The following LCP1 variants were observed in gnomAD, a reference collection of about 807,000 sequenced individuals.
LCP1 encodes lymphocyte cytosolic protein 1.
A neutral mutation model predicts 72.0 loss-of-function variants in LCP1; 23 were observed. The observed-to-expected ratio is 0.32, with a 90% confidence interval of 0.23 to 0.45. The LOEUF is 0.45. Among genes scored for constraint, LCP1 ranks in the 20% least tolerant of loss-of-function variants. The probability of loss-of-function intolerance (pLI) is 1.00; values close to 1 mark genes in which losing one functional copy is unlikely to be tolerated. For synonymous variants in LCP1, 245 were observed against 275.4 expected (o/e 0.89, Z 1.09); for missense variants, 571 against 748.3 (o/e 0.76, Z 2.76).
chr13:46,147,738 G>C (rs888664007), intron 9 of LCP1, among the ~76,000 whole-genome samples: 1 of 152,082 alleles, frequency 6.6e-6, no homozygotes, highest in African/African-American at 2.4e-5. Context: ...CTAGCCATTT[G>C]TAAGTGACTC....
At chr13:46,149,481 G>A (rs980843470) in intron 8 of LCP1, among the ~76,000 whole-genome samples, 1 of 152,262 alleles carries the variant, frequency 6.6e-6, no homozygotes, top group South Asian at 2.1e-4. Context: ...TTTTAGTTTG[G>A]CTAAGAGTAA....
intron 2 of LCP1, 59 bp from the exon 3 acceptor site, chr13:46,159,048 G>C: frequency 6.6e-7 from 1 of 1,524,212 alleles, no homozygotes; most frequent in African/African-American, 1.4e-5. Context: ...CTTTTAGAGA[G>C]GTGAGGGAAG....
chr13:46,134,219 C>A lies in LCP1; in HGVS notation c.1534G>T (p.Gly512Cys). 1 of 1,613,530 alleles carries A rather than the reference C, an allele frequency of 6.2e-7. No individual in the cohort carries two copies. Among genetic ancestry groups the A allele is most frequent in the Non-Finnish European group, 8.5e-7 (1 of 1,179,634 alleles). ...YTLNILEEIGGGQKVNDDIIV... is the reference protein window; with the variant it reads ...YTLNILEEIGCGQKVNDDIIV... ...ATGTCATCATTGACCTTCTGGCCACCACCAATTTCTTCGAGGATATTCAGT... is the reference window on the plus strand; with the variant it reads ...ATGTCATCATTGACCTTCTGGCCACAACCAATTTCTTCGAGGATATTCAGT... Residue 512 changes from glycine to cysteine, a missense_variant, in exon 14 of 16, where the codon GGT (glycine) becomes TGT (cysteine). Gly to Cys is a radical substitution (Grantham distance 159). Transcript: ENST00000323076.
In LCP1 at chr13:46,159,691, AG is replaced by A; in HGVS notation, c.-24-6del. 6.4e-7 allele frequency: 1 copy of A among 1,564,844 alleles called. No homozygotes were observed. Among genetic ancestry groups the A allele is most frequent in the Non-Finnish European group, 8.8e-7 (1 of 1,135,696 alleles). On this transcript the variant is annotated splice_polypyrimidine_tract_variant and splice_region_variant and intron_variant, in intron 1 of 15. Coordinates refer to ENST00000323076, the MANE Select transcript of LCP1 (RefSeq NM_002298.5). The stretch of plus-strand genomic sequence containing the variant: ...TTATTGCTTTAGGTAACAGATCTGG[AG>A]AGAAGAAGAACATAAGGGATAACTT...
rs924651675 is a variant in LCP1 at position 46,145,772 on chromosome 13, A to G, written c.1174+1136T>C. Among the ~76,000 whole-genome samples the G allele has an allele frequency of 1.0e-3, 118 of 116,006 alleles. 26 individuals carry two copies. The highest frequency in any genetic ancestry group is 4.1e-3 in the African/African-American group (107 of 26,300). 76.1% of individuals were successfully genotyped at this position (116,006 alleles called of 152,430 possible). A position where few individuals can be genotyped will look rare whatever the true frequency, so the allele number is the denominator to read the frequency against. On this transcript the variant is annotated intron_variant, in intron 10 of 15. Transcript: ENST00000323076. ...AAAATACAAAAAATTAGCCGGGCGT[A>G]GTGGCGGGCGCCTGTAGTCCCAGCT...
rs1249547807 is a variant in LCP1, at chr13:46,151,137, G to C, written c.740-59C>G. On this transcript the variant is annotated intron_variant, in intron 7 of 15. Transcript: ENST00000323076. ...GCAGCGATGTTGGGGGAGGGGGGTT[G>C]GTTATAACTTTCATTAAGCTCTGCT... 5.2e-6 allele frequency: 8 copies of C among 1,544,090 alleles called. No homozygotes were observed. The East Asian group carries it at 1.8e-4, about 35-fold the overall frequency.
chr13:46,151,317 C>G (rs1209120330), intron 7 of LCP1, among the ~76,000 whole-genome samples: 1 of 152,154 alleles, frequency 6.6e-6, no homozygotes, highest in African/African-American at 2.4e-5. Context: ...AAACAAAGCA[C>G]AGTGAATCTC....
intron 1 of LCP1, among the ~76,000 whole-genome samples, chr13:46,174,017 A>G (rs909669786): frequency 1.3e-5 from 2 of 152,218 alleles, no homozygotes; most frequent in Non-Finnish European, 2.9e-5. Context: ...TGATTCTGTT[A>G]TCCTGCACTA....
At chr13:46,154,750 G>A in intron 6 of LCP1, 55 bp downstream of exon 6, 1 of 1,433,108 alleles carries the variant, frequency 7.0e-7, no homozygotes, top group South Asian at 1.2e-5. Context: ...CAGCAGTTAT[G>A]ATGCTCATTG....
intron 7 of LCP1, among the ~76,000 whole-genome samples, chr13:46,152,323 A>G (rs572762064): frequency 2.0e-5 from 3 of 152,218 alleles, no homozygotes; most frequent in South Asian, 2.1e-4. Context: ...TTCATCCCAT[A>G]TAATTGCAAC....
chr13:46,143,981 G>A (rs190232066), intron 11 of LCP1, among the ~76,000 whole-genome samples: 1 of 152,076 alleles, frequency 6.6e-6, no homozygotes, highest in African/African-American at 2.4e-5. Flanking sequence ...CAGGAGAATG[G>A]CGTGAACCCG....
chr13:46,161,637 C>T (rs2045839054), intron 1 of LCP1, among the ~76,000 whole-genome samples: 1 of 151,798 alleles, frequency 6.6e-6, no homozygotes, highest in African/African-American at 2.4e-5. Context: ...TGCCTTTTTC[C>T]AAAAATAATT....
rs1312262508 is a variant in LCP1 at position 46,126,811 on chromosome 13, G to A, written c.*780C>T. Reference sequence around the variant, plus strand: ...TTCCATTAAGGCTGAAGGCTCTAGAGGGCAGAGTATTCAAGATGTTAGATC... The same window carrying A: ...TTCCATTAAGGCTGAAGGCTCTAGAAGGCAGAGTATTCAAGATGTTAGATC... On this transcript the variant is annotated 3_prime_UTR_variant, in exon 16 of 16. Coordinates refer to ENST00000323076, the MANE Select transcript of LCP1 (RefSeq NM_002298.5). 8 of 231,086 alleles carry A rather than the reference G, an allele frequency of 3.5e-5. No individual in the cohort carries two copies. Among genetic ancestry groups the A allele is most frequent in the Non-Finnish European group, 8.6e-6 (1 of 116,786 alleles). The allele number at this position is 231,086 out of a possible 1,614,324, so 14.3% of individuals were successfully genotyped here. A position where few individuals can be genotyped will look rare whatever the true frequency, so the allele number is the denominator to read the frequency against.
intron 8 of LCP1, among the ~76,000 whole-genome samples, chr13:46,149,978 A>G (rs2146878): frequency 0.26 from 40,191 of 152,102 alleles, 5,473 homozygotes; most frequent in South Asian, 0.44. Context: ...ATCCTAAAAA[A>G]TGGGGGCTTT....
Position 46,159,636 on chromosome 13 carries a change from C to G in LCP1, c.27G>C (p.Glu9Asp). 1.2e-6 allele frequency: 2 copies of G among 1,614,154 alleles called. No homozygotes were observed. Among genetic ancestry groups the G allele is most frequent in the Non-Finnish European group, 1.7e-6 (2 of 1,180,010 alleles). ...AAGCTTCTCTGAGCTCCATCATTTC[C>G]TCATCGGACACTGATCCTCTGGCCA... MARGSVSD[E>D]EMMELREAFA... Residue 9 changes from glutamate (E) to aspartate (D), a missense_variant, in exon 2 of 16, where the codon GAG (glutamate) becomes GAC (aspartate). Physicochemically the swap from Glu to Asp is conservative, Grantham distance 45 (BLOSUM62 2). Coordinates refer to ENST00000323076, the MANE Select transcript of LCP1 (RefSeq NM_002298.5).
chr13:46,172,593 G>A (rs1017742254), intron 1 of LCP1, among the ~76,000 whole-genome samples: 5 of 152,190 alleles, frequency 3.3e-5, no homozygotes, highest in Non-Finnish European at 7.3e-5. Context: ...CTACAGACAG[G>A]GATGCAGGAG....
At chr13:46,155,104 G>A (rs752247466) in intron 5 of LCP1, among the ~76,000 whole-genome samples, 1 of 152,158 alleles carries the variant, frequency 6.6e-6, no homozygotes, top group Non-Finnish European at 1.5e-5. Flanking sequence ...GGTTGGAAAT[G>A]AGGACCCCAC....
chr13:46,141,182 C>T (rs1217830923), intron 13 of LCP1, among the ~76,000 whole-genome samples: 4 of 151,612 alleles, frequency 2.6e-5, no homozygotes, highest in African/African-American at 9.7e-5. Context: ...CTGAGGCACT[C>T]GGATCATTAG....
intron 1 of LCP1, among the ~76,000 whole-genome samples, chr13:46,179,731 A>G (rs2045947435): frequency 1.3e-5 from 2 of 152,088 alleles, no homozygotes; most frequent in Non-Finnish European, 2.9e-5. Context: ...TGGTGCACCA[A>G]AATGTGGGTT....
Sources: allele counts gnomAD v4.1 joint callset (sites outside exome capture counted in the v4.1 genomes callset), GRCh38; gene constraint gnomAD v4.1.1; transcripts MANE v1.5; gene names NCBI Gene and HGNC (gene_info 2026-07-23, HGNC 2026-07-21).